MTHFD2L: variants seen among roughly 807,000 people sequenced by gnomAD.
MTHFD2L encodes methylenetetrahydrofolate dehydrogenase (NADP+ dependent) 2 like, also known as bifunctional methylenetetrahydrofolate dehydrogenase/cyclohydrolase 2, mitochondrial.
A neutral mutation model predicts 34.9 loss-of-function variants in MTHFD2L; 29 were observed. The ratio of observed to expected loss-of-function variants is 0.83; its 90% confidence interval spans 0.62 to 1.13. MTHFD2L has a LOEUF of 1.13. Among genes scored for constraint, MTHFD2L ranks in the 50% most tolerant of loss-of-function variants. The probability of loss-of-function intolerance (pLI) is 0.00; values close to 1 mark genes in which losing one functional copy is unlikely to be tolerated. For missense variants in MTHFD2L, 481 were observed against 446.5 expected (o/e 1.08, Z -0.70); for synonymous variants, 167 against 155.7 (o/e 1.07, Z -0.54).
At chr4:74,168,184 C>T (rs868710266) in intron 1 of MTHFD2L, among the ~76,000 whole-genome samples, 1 of 152,214 alleles carries the variant, frequency 6.6e-6, no homozygotes. Context: ...TAAAAGCCAA[C>T]ATCCTTTCAA....
At chr4:74,292,726 C>T (rs1489464951) in intron 7 of MTHFD2L, among the ~76,000 whole-genome samples, 1 of 152,132 alleles carries the variant, frequency 6.6e-6, no homozygotes, top group African/African-American at 2.4e-5. Flanking sequence ...TTACTCCTGC[C>T]TACTGAAATG....
intron 1 of MTHFD2L, among the ~76,000 whole-genome samples, chr4:74,148,135 G>A (rs916751979): frequency 3.3e-5 from 5 of 151,880 alleles, no homozygotes; most frequent in East Asian, 1.9e-4. Context: ...TTTCCACATC[G>A]AATGATATTG....
chr4:74,246,054 G>C (rs200889244), intron 6 of MTHFD2L, among the ~76,000 whole-genome samples: 25,715 of 127,832 alleles, frequency 0.2, 2,946 homozygotes, highest in African/African-American at 0.31. Context: ...AATCACCACA[G>C]TGACTTCCAC....
At chr4:74,129,461 A>G (rs951961933) in intron 1 of MTHFD2L, among the ~76,000 whole-genome samples, 1 of 152,166 alleles carries the variant, frequency 6.6e-6, no homozygotes, top group Non-Finnish European at 1.5e-5. Flanking sequence ...ACACAACTAC[A>G]TGGAAACTGA....
At chr4:74,151,411 G>A (rs879806730) in intron 1 of MTHFD2L, among the ~76,000 whole-genome samples, 2 of 152,154 alleles carry the variant, frequency 1.3e-5, no homozygotes, top group Non-Finnish European at 2.9e-5. Context: ...GTACCTTAGC[G>A]ATGTAGCATG....
At chr4:74,215,374 A>G (rs1429637745) in intron 5 of MTHFD2L, among the ~76,000 whole-genome samples, 1 of 151,838 alleles carries the variant, frequency 6.6e-6, no homozygotes, top group Non-Finnish European at 1.5e-5. Flanking sequence ...AGACTGTGGG[A>G]AAAGCGTAGT....
At chr4:74,179,956 C>T (rs1578369450) in intron 3 of MTHFD2L, among the ~76,000 whole-genome samples, 1 of 152,010 alleles carries the variant, frequency 6.6e-6, no homozygotes, top group Non-Finnish European at 1.5e-5. Context: ...CTTGCTGTTA[C>T]CTAAGTCATA....
chr4:74,230,912 A>G (rs1377250938), intron 6 of MTHFD2L, among the ~76,000 whole-genome samples: 1 of 152,066 alleles, frequency 6.6e-6, no homozygotes, highest in East Asian at 1.9e-4. Context: ...CATTGTCCAC[A>G]TTACCCTCCA....
chr4:74,120,392 T>C (rs1489903049), upstream of MTHFD2L, among the ~76,000 whole-genome samples: 2 of 152,244 alleles, frequency 1.3e-5, no homozygotes, highest in East Asian at 1.9e-4. Context: ...GAGGATATGT[T>C]ATGTGCACTT....
At chr4:74,246,133 G>A (rs1026448947) in intron 6 of MTHFD2L, among the ~76,000 whole-genome samples, 1 of 142,794 alleles carries the variant, frequency 7.0e-6, no homozygotes, top group African/African-American at 2.7e-5. Flanking sequence ...ATCCTCTCCA[G>A]CACCTGTTGT....
intron 6 of MTHFD2L, among the ~76,000 whole-genome samples, chr4:74,257,485 A>G (rs1370455511): frequency 1.3e-5 from 2 of 152,210 alleles, no homozygotes; most frequent in Non-Finnish European, 2.9e-5. Flanking sequence ...GGACTATCTT[A>G]ATAACAGACA....
At chr4:74,212,695 A>G (rs1044607901) in intron 5 of MTHFD2L, among the ~76,000 whole-genome samples, 2 of 152,198 alleles carry the variant, frequency 1.3e-5, no homozygotes, top group African/African-American at 4.8e-5. Context: ...AAAGTTTTGT[A>G]GATGTCTATT....
rs1305897748 is a variant in MTHFD2L, at chr4:74,133,376, GTTATTATTTCTTAGGA to G, written c.-297+7861_-297+7876del. Among the ~76,000 whole-genome samples the G allele has an allele frequency of 2.0e-5, 3 of 152,082 alleles. No individual in the cohort carries two copies. In the East Asian group the frequency reaches 5.8e-4, roughly 29 times the overall value. On this transcript the variant is annotated intron_variant, in intron 1 of 7. Coordinates refer to the MTHFD2L transcript ENST00000433372. The stretch of plus-strand genomic sequence containing the variant: ...TTTCATGAGTTTTGGAAAGTGCTCT[GTTATTATTTCTTAGGA>G]TAAGCTTTTCTCCCCTTGCTCTTGC...
At chr4:74,295,999 A>G (rs1749586042) in intron 7 of MTHFD2L, among the ~76,000 whole-genome samples, 1 of 152,118 alleles carries the variant, frequency 6.6e-6, no homozygotes, top group African/African-American at 2.4e-5. Flanking sequence ...TGGCTCAATT[A>G]TTATTTAGGC....
chr4:74,242,102 TATC>T (rs1420746566), intron 6 of MTHFD2L: 1 of 152,176 alleles, frequency 6.6e-6, no homozygotes, highest in Non-Finnish European at 1.5e-5. Flanking sequence ...GGCAAGATAT[TATC>T]ATTGTATAGT....
intron 3 of MTHFD2L, chr4:74,181,844 ATAAT>A (rs1266211542): frequency 6.6e-6 from 1 of 152,160 alleles, no homozygotes; most frequent in Non-Finnish European, 1.5e-5. Context: ...AAATAATCGA[ATAAT>A]TAGTAGGCAT....
upstream of MTHFD2L, among the ~76,000 whole-genome samples, chr4:74,119,972 A>G (rs1215244422): frequency 6.6e-6 from 1 of 151,882 alleles, no homozygotes; most frequent in Non-Finnish European, 1.5e-5. Flanking sequence ...AAGACTTTGG[A>G]GTTTTTCAAA....
intron 3 of MTHFD2L, among the ~76,000 whole-genome samples, chr4:74,196,287 A>C (rs955469439): frequency 1.3e-5 from 2 of 152,148 alleles, no homozygotes; most frequent in African/African-American, 4.8e-5. Context: ...AAAAAAACTG[A>C]GAAGAAAGGA....
intron 5 of MTHFD2L, among the ~76,000 whole-genome samples, chr4:74,212,466 A>G (rs1736492958): frequency 6.6e-6 from 1 of 152,176 alleles, no homozygotes; most frequent in Non-Finnish European, 1.5e-5. Context: ...GTAGTCATTC[A>G]GGAGCAGATT....
Sources: allele counts gnomAD v4.1 joint callset (sites outside exome capture counted in the v4.1 genomes callset), GRCh38; gene constraint gnomAD v4.1.1; transcripts MANE v1.5; gene names NCBI Gene and HGNC (gene_info 2026-07-23, HGNC 2026-07-21).